The following GALNTL6 variants were observed in gnomAD, a reference collection of about 807,000 sequenced individuals.
The protein encoded by GALNTL6 is polypeptide N-acetylgalactosaminyltransferase like 6, also known as polypeptide N-acetylgalactosaminyltransferase-like 6.
GALNTL6 carries 46 observed loss-of-function variants against 73.7 expected under a neutral mutation model. The ratio of observed to expected loss-of-function variants is 0.62; its 90% CI spans 0.49 to 0.80. The LOEUF (loss-of-function observed/expected upper bound fraction) is 0.80. Ranked by LOEUF, GALNTL6 falls within the 30% of genes least tolerant of loss-of-function variation. The probability of loss-of-function intolerance (pLI) is 0.00; values close to 1 mark genes in which losing one functional copy is unlikely to be tolerated. For synonymous variants in GALNTL6, 259 were observed against 263.7 expected (o/e 0.98, Z 0.17); for missense variants, 604 against 755.0 (o/e 0.80, Z 2.34).
At position 172,973,289 on chromosome 4, in the gene GALNTL6, A is replaced by G. The variant is rs114830600; in HGVS notation, c.1371+21031A>G. 4.2e-3 allele frequency among the ~76,000 whole-genome samples: 637 copies of G among 152,348 alleles called. 4 individuals are homozygous for G. Among genetic ancestry groups the G allele is most frequent in the Middle Eastern group, 0.02 (6 of 294 alleles). ...TTCTGGTATGATATGATGCAACGTG[A>G]AAGCATTTTAGACAAGCCAGGAAAT... On this transcript the variant is annotated intron_variant, in intron 10 of 12. Coordinates refer to ENST00000506823, the MANE Select transcript of GALNTL6 (RefSeq NM_001034845.3).
intron 2 of GALNTL6, among the ~76,000 whole-genome samples, chr4:172,120,469 T>C (rs1204606385): frequency 6.6e-6 from 1 of 152,168 alleles, no homozygotes; most frequent in Non-Finnish European, 1.5e-5. Context: ...TTTTCTCATA[T>C]AACTTTCTTT....
At chr4:172,552,836 G>GT in intron 5 of GALNTL6, among the ~76,000 whole-genome samples, 1 of 2,850 alleles carries the variant, frequency 3.5e-4, no homozygotes, top group South Asian at 0.017. Flanking sequence ...AGTAATTGCA[G>GT]TAAAAAAAAA....
chr4:171,904,388 G>A (rs1239404231), intron 2 of GALNTL6, among the ~76,000 whole-genome samples: 1 of 152,176 alleles, frequency 6.6e-6, no homozygotes, highest in East Asian at 1.9e-4. Context: ...GGAAGAAAGG[G>A]TATCAGCGAT....
At chr4:171,835,999 A>G (rs1345790082) in intron 2 of GALNTL6, among the ~76,000 whole-genome samples, 1 of 152,110 alleles carries the variant, frequency 6.6e-6, no homozygotes, top group East Asian at 1.9e-4. Flanking sequence ...CAATCATTAG[A>G]TTTTATGTAG....
At chr4:172,278,054 T>G (rs1738897994) in intron 3 of GALNTL6, among the ~76,000 whole-genome samples, 1 of 152,224 alleles carries the variant, frequency 6.6e-6, no homozygotes. Context: ...ATTTTAAAAA[T>G]AATTAGTGAG....
chr4:171,883,936 C>T (rs1290656938), intron 2 of GALNTL6, among the ~76,000 whole-genome samples: 4 of 152,044 alleles, frequency 2.6e-5, no homozygotes, highest in East Asian at 3.9e-4. Context: ...CGTGAGCCAC[C>T]GCTCCCAGAC....
At chr4:172,558,802 A>T (rs1393437865) in intron 5 of GALNTL6, among the ~76,000 whole-genome samples, 3 of 152,196 alleles carry the variant, frequency 2.0e-5, no homozygotes, top group Non-Finnish European at 2.9e-5. Flanking sequence ...AGTGGTCATT[A>T]TCTCATATGT....
At chr4:172,118,746 C>T (rs1042127412) in intron 2 of GALNTL6, among the ~76,000 whole-genome samples, 4 of 148,904 alleles carry the variant, frequency 2.7e-5, no homozygotes, top group Non-Finnish European at 6.0e-5. Context: ...AAACAAAAAA[C>T]AAAAAGGAAT....
intron 5 of GALNTL6, among the ~76,000 whole-genome samples, chr4:172,417,794 G>A (rs947560178): frequency 6.6e-6 from 1 of 152,118 alleles, no homozygotes; most frequent in Admixed American, 6.6e-5. Context: ...CCATTCTGTT[G>A]TGTTTGTTTT....
intron 9 of GALNTL6, among the ~76,000 whole-genome samples, chr4:172,947,082 G>T (rs1404487198): frequency 6.6e-6 from 1 of 152,090 alleles, no homozygotes; most frequent in Non-Finnish European, 1.5e-5. Context: ...ATTCCCTTTA[G>T]CAGCCAAGGG....
At chr4:172,059,087 G>A (rs1235148279) in intron 2 of GALNTL6, among the ~76,000 whole-genome samples, 1 of 152,166 alleles carries the variant, frequency 6.6e-6, no homozygotes. Flanking sequence ...TATCTACCAG[G>A]CTTGTGCAAG....
intron 5 of GALNTL6, among the ~76,000 whole-genome samples, chr4:172,662,695 C>T (rs1253003514): frequency 6.6e-6 from 1 of 152,196 alleles, no homozygotes; most frequent in Non-Finnish European, 1.5e-5. Flanking sequence ...AGGTGTCCAG[C>T]TAATCCAGGC....
At chr4:172,825,677 C>T (rs2111037738) in intron 7 of GALNTL6, among the ~76,000 whole-genome samples, 3 of 151,824 alleles carry the variant, frequency 2.0e-5, no homozygotes, top group Middle Eastern at 6.8e-3. Flanking sequence ...TAAAAGTACA[C>T]ATGAGAGAAA....
intron 2 of GALNTL6, among the ~76,000 whole-genome samples, chr4:172,201,549 G>T (rs1237940363): frequency 6.6e-6 from 1 of 151,270 alleles, no homozygotes; most frequent in Non-Finnish European, 1.5e-5. Context: ...AATAAGAATA[G>T]TTGGTTGGCA....
At chr4:171,850,631 T>C (rs1735499016) in intron 2 of GALNTL6, among the ~76,000 whole-genome samples, 1 of 152,230 alleles carries the variant, frequency 6.6e-6, no homozygotes, top group African/African-American at 2.4e-5. Flanking sequence ...GTTTATAATT[T>C]AGCATTTCAT....
chr4:173,013,641 G>A (rs1752653443), intron 11 of GALNTL6, among the ~76,000 whole-genome samples: 1 of 146,394 alleles, frequency 6.8e-6, no homozygotes, highest in Non-Finnish European at 1.5e-5. Context: ...CCAGAGGGCA[G>A]CACTAGACAA....
intron 2 of GALNTL6, among the ~76,000 whole-genome samples, chr4:171,856,413 C>A (rs2110871224): frequency 6.6e-6 from 1 of 152,198 alleles, no homozygotes; most frequent in Non-Finnish European, 1.5e-5. Flanking sequence ...CCCCACCCTG[C>A]TGAGACATTT....
intron 2 of GALNTL6, among the ~76,000 whole-genome samples, chr4:172,023,992 T>A (rs1469313726): frequency 6.6e-6 from 1 of 151,814 alleles, no homozygotes; most frequent in Non-Finnish European, 1.5e-5. Context: ...TTCATTCATT[T>A]AAAAAATATA....
chr4:172,649,540 A>G (rs1299768963), intron 5 of GALNTL6, among the ~76,000 whole-genome samples: 1 of 152,198 alleles, frequency 6.6e-6, no homozygotes, highest in Non-Finnish European at 1.5e-5. Flanking sequence ...GAATAATCAC[A>G]AAGTGGCTTT....
Sources: gnomAD v4.1 joint callset for allele counts (sites outside exome capture counted in the v4.1 genomes callset) on GRCh38, gnomAD v4.1.1 for gene constraint, MANE v1.5 for transcripts, NCBI Gene and HGNC (gene_info 2026-07-23, HGNC 2026-07-21) for gene names.